The following TMTC2 variants were observed in gnomAD, a reference collection of about 807,000 sequenced individuals.
TMTC2 encodes the protein transmembrane O-mannosyltransferase targeting cadherins 2.
TMTC2 carries 43 observed loss-of-function variants against 82.4 expected under a neutral mutation model. The ratio of observed to expected loss-of-function variants is 0.52; its 90% CI spans 0.41 to 0.67. The LOEUF is 0.67. Ranked by LOEUF, TMTC2 falls within the 30% of genes least tolerant of loss-of-function variation. The pLI, the probability that TMTC2 is intolerant of heterozygous loss-of-function variation, is 0.00. For synonymous variants in TMTC2, 408 were observed against 381.9 expected (o/e 1.07, Z -0.80); for missense variants, 919 against 1,012.4 (o/e 0.91, Z 1.25).
At chr12:83,123,679 A>G (rs1885022084) in intron 11 of TMTC2, among the ~76,000 whole-genome samples, 1 of 152,198 alleles carries the variant, frequency 6.6e-6, no homozygotes. Context: ...CCCCAAATTA[A>G]TTGAAATTCT....
intron 4 of TMTC2, among the ~76,000 whole-genome samples, chr12:82,946,269 A>G (rs1796167): frequency 0.95 from 144,813 of 152,334 alleles, 68,875 homozygotes; most frequent in East Asian, 1. Flanking sequence ...CATTGTTTTT[A>G]TATATATTCT....
At chr12:82,996,897 A>G (rs1317728323) in intron 8 of TMTC2, among the ~76,000 whole-genome samples, 3 of 152,152 alleles carry the variant, frequency 2.0e-5, no homozygotes, top group African/African-American at 4.8e-5. Flanking sequence ...TTACTCACTT[A>G]AAGCAGAAAA....
rs142434446 is a variant in TMTC2 at position 82,994,972 on chromosome 12, G to A, written c.2070+8926G>A. Among the ~76,000 whole-genome samples, 527 of 145,934 alleles carry A rather than the reference G, an allele frequency of 3.6e-3. 3 individuals are homozygous for A. The highest frequency in any genetic ancestry group is 0.013 in the African/African-American group (509 of 39,134). The stretch of plus-strand genomic sequence containing the variant: ...TTTATAGCTTTCATTTGTTAAATAA[G>A]CCCCATTGATACTCTATGATACTTG... On this transcript the variant is annotated intron_variant, in intron 8 of 11. Coordinates refer to ENST00000321196, the MANE Select transcript of TMTC2 (RefSeq NM_152588.3).
chr12:82,927,735 A>G (rs1165435961), intron 3 of TMTC2, among the ~76,000 whole-genome samples: 1 of 152,226 alleles, frequency 6.6e-6, no homozygotes, highest in African/African-American at 2.4e-5. Flanking sequence ...CTTACCAGTC[A>G]GCAGCCATCA....
chr12:82,987,278 G>C (rs1419713421), intron 8 of TMTC2, among the ~76,000 whole-genome samples: 2 of 151,790 alleles, frequency 1.3e-5, no homozygotes, highest in African/African-American at 4.8e-5. Flanking sequence ...ACAAAAATTA[G>C]CCAAGGGTGG....
intron 8 of TMTC2, among the ~76,000 whole-genome samples, chr12:83,021,070 A>G (rs1243149179): frequency 6.6e-6 from 1 of 152,158 alleles, no homozygotes; most frequent in Non-Finnish European, 1.5e-5. Flanking sequence ...TTTACTTTTT[A>G]TAATTCTTTT....
At position 83,060,001 on chromosome 12, in the gene TMTC2, A is replaced by G. The variant is rs115869612; in HGVS notation, c.2268-1767A>G. ...CTAATGAATTCTGGTTCAGATTTCC[A>G]AATGAATCTGTACCAAATTGATTCT... On this transcript the variant is annotated intron_variant, in intron 10 of 11. Transcript: ENST00000321196. Among the ~76,000 whole-genome samples the G allele has an allele frequency of 5.1e-3, 779 of 151,854 alleles. 4 individuals carry two copies. Among genetic ancestry groups the G allele is most frequent in the African/African-American group, 0.018 (744 of 41,508 alleles).
chr12:83,025,529 A>G (rs1159001678), intron 8 of TMTC2, among the ~76,000 whole-genome samples: 1 of 152,146 alleles, frequency 6.6e-6, no homozygotes, highest in Non-Finnish European at 1.5e-5. Context: ...CCAATCATCA[A>G]AGTTACCACA....
In TMTC2 at chr12:82,783,177, A is replaced by G. The variant is rs138813793; in HGVS notation, c.84-73833A>G. ...AAAGCAAGTAGGGCTGGCCATTTAA[A>G]TAGAAGTCCTTAGAACAATTCATAG... On this transcript the variant is annotated intron_variant, in intron 1 of 11. Transcript: ENST00000321196. Among the ~76,000 whole-genome samples, 254 of 152,250 alleles carry G rather than the reference A, an allele frequency of 1.7e-3. 3 individuals are homozygous for G. The highest frequency in any genetic ancestry group is 5.9e-3 in the African/African-American group (244 of 41,564).
At chr12:82,903,022 C>G (rs1377585821) in intron 3 of TMTC2, among the ~76,000 whole-genome samples, 1 of 152,190 alleles carries the variant, frequency 6.6e-6, no homozygotes, top group African/African-American at 2.4e-5. Flanking sequence ...CCACACCAGC[C>G]CTGCTGGCCT....
At chr12:83,010,925 C>T (rs941813445) in intron 8 of TMTC2, among the ~76,000 whole-genome samples, 1 of 152,182 alleles carries the variant, frequency 6.6e-6, no homozygotes, top group Non-Finnish European at 1.5e-5. Flanking sequence ...ACCTCCACCT[C>T]CCAGGTTCAA....
intron 8 of TMTC2, among the ~76,000 whole-genome samples, chr12:83,011,390 A>G (rs1880452126): frequency 6.6e-6 from 1 of 152,226 alleles, no homozygotes; most frequent in African/African-American, 2.4e-5. Flanking sequence ...TTGAGCAGTT[A>G]AATGAGTCCA....
chr12:83,054,968 A>G (rs1882485903), intron 10 of TMTC2, among the ~76,000 whole-genome samples: 1 of 152,070 alleles, frequency 6.6e-6, no homozygotes, highest in Non-Finnish European at 1.5e-5. Context: ...AGAGTGTTCT[A>G]TAACCTACAG....
intron 7 of TMTC2, among the ~76,000 whole-genome samples, chr12:82,982,044 G>T (rs1878941412): frequency 6.6e-6 from 1 of 150,410 alleles, no homozygotes; most frequent in Non-Finnish European, 1.5e-5. Context: ...AGTTTGTTAA[G>T]CTCTCTGAAG....
intron 4 of TMTC2, among the ~76,000 whole-genome samples, chr12:82,938,180 C>T (rs1316671447): frequency 6.6e-6 from 1 of 151,942 alleles, no homozygotes; most frequent in African/African-American, 2.4e-5. Context: ...TCCCAAAGTA[C>T]TGGGATTACA....
At chr12:82,781,643 G>T (rs1437007271) in intron 1 of TMTC2, among the ~76,000 whole-genome samples, 1 of 151,372 alleles carries the variant, frequency 6.6e-6, no homozygotes, top group Non-Finnish European at 1.5e-5. Context: ...CTACACAGAA[G>T]AAGTAGGCCA....
At chr12:83,030,916 A>G in intron 9 of TMTC2, 37 bp downstream of exon 9, 1 of 1,447,118 alleles carries the variant, frequency 6.9e-7, no homozygotes. Context: ...TGTCCCCCAC[A>G]TTTACTATTA....
chr12:82,701,902 A>AC, intron 1 of TMTC2, among the ~76,000 whole-genome samples: 1 of 152,058 alleles, frequency 6.6e-6, no homozygotes, highest in South Asian at 2.1e-4. Context: ...TTTCCTCTTC[A>AC]CCCCCATTTC....
Position 83,097,018 on chromosome 12 carries a change from T to C in TMTC2, c.2331+35187T>C, listed in dbSNP as rs544107170. Among the ~76,000 whole-genome samples, 9 of 152,330 alleles carry C rather than the reference T, an allele frequency of 5.9e-5. No individual in the cohort carries two copies. The South Asian group carries it at 1.9e-3, about 32-fold the overall frequency. ...AAGAGCTTAATGAGGGTAGGGTCCA[T>C]GTTTTTCTATTTCAGCATTACATAC... On this transcript the variant is annotated intron_variant, in intron 11 of 11. Transcript: ENST00000321196.
Sources: gnomAD v4.1 joint callset for allele counts (sites outside exome capture counted in the v4.1 genomes callset) on GRCh38, gnomAD v4.1.1 for gene constraint, MANE v1.5 for transcripts, NCBI Gene and HGNC (gene_info 2026-07-23, HGNC 2026-07-21) for gene names.